SEM1: variants seen among roughly 807,000 people sequenced by gnomAD.
The protein encoded by SEM1 is SEM1 26S proteasome subunit.
A neutral mutation model predicts 12.7 loss-of-function variants in SEM1; 3 were observed. That is an observed-to-expected ratio of 0.24 (90% CI 0.11 to 0.61). The LOEUF (loss-of-function observed/expected upper bound fraction) is 0.61, where lower values mean the gene tolerates loss of function less well. Ranked by LOEUF, SEM1 falls within the 20% of genes least tolerant of loss-of-function variation. The pLI, the probability that SEM1 is intolerant of heterozygous loss-of-function variation, is 0.88. For missense variants in SEM1, 59 were observed against 81.3 expected, an observed-to-expected ratio of 0.73 and a Z score of 1.06; for synonymous variants, 30 against 27.8, an observed-to-expected ratio of 1.08 and a Z score of -0.25.
chr7:96,514,043 T>C (rs971276798), intron 2 of SEM1, among the ~76,000 whole-genome samples: 2 of 152,106 alleles, frequency 1.3e-5, no homozygotes, highest in African/African-American at 4.8e-5. Flanking sequence ...AGATGATTCA[T>C]GATATACATT....
intron 2 of SEM1, among the ~76,000 whole-genome samples, chr7:96,552,059 GCCA>G (rs922943018): frequency 6.6e-6 from 1 of 152,158 alleles, no homozygotes; most frequent in Non-Finnish European, 1.5e-5. Flanking sequence ...ATGGTCCAGT[GCCA>G]GCACTCTGTC....
exon 4 of SEM1, chr7:96,483,512 T>A: frequency 3.8e-6 from 1 of 261,936 alleles, no homozygotes; most frequent in Admixed American, 4.9e-5. Flanking sequence ...AACAAAAGCA[T>A]TTTCTCACTC....
At chr7:96,564,586 A>G (rs943944730) in intron 2 of SEM1, among the ~76,000 whole-genome samples, 35 of 152,056 alleles carry the variant, frequency 2.3e-4, no homozygotes, top group African/African-American at 7.9e-4. Context: ...AGTGAATGTG[A>G]TGGCTGGGGC....
intron 2 of SEM1, among the ~76,000 whole-genome samples, chr7:96,532,377 T>C (rs1419150934): frequency 6.6e-6 from 1 of 152,118 alleles, no homozygotes; most frequent in East Asian, 1.9e-4. Context: ...GTAATAAGCA[T>C]TCAGTGTTGT....
chr7:96,569,889 G>A (rs11769840), intron 2 of SEM1, among the ~76,000 whole-genome samples: 145,849 of 152,152 alleles, frequency 0.96, 70,109 homozygotes, highest in Non-Finnish European at 0.99. Flanking sequence ...GCTCGGTAGT[G>A]TTTCATGGTA....
downstream of SEM1, among the ~76,000 whole-genome samples, chr7:96,685,056 T>A (rs1789721956): frequency 6.6e-6 from 1 of 152,058 alleles, no homozygotes; most frequent in Non-Finnish European, 1.5e-5. Context: ...GTGGGTGGGA[T>A]GTGTTACCTC....
At chr7:96,691,366 TATA>T (rs949936583) in intron 2 of SEM1, among the ~76,000 whole-genome samples, 28 of 152,192 alleles carry the variant, frequency 1.8e-4, no homozygotes, top group African/African-American at 6.8e-4. Flanking sequence ...ACTTAAACGT[TATA>T]ATAACTCTAG....
At chr7:96,490,289 A>G (rs1469886124) in intron 1 of SEM1, among the ~76,000 whole-genome samples, 2 of 152,224 alleles carry the variant, frequency 1.3e-5, no homozygotes, top group Non-Finnish European at 2.9e-5. Flanking sequence ...ACTCTAAATT[A>G]AAGACCTTTC....
intron 2 of SEM1, among the ~76,000 whole-genome samples, chr7:96,602,504 A>G (rs549557973): frequency 1.1e-4 from 17 of 152,284 alleles, no homozygotes; most frequent in African/African-American, 4.1e-4. Context: ...TTACTCATTC[A>G]TATCACCTGC....
Position 96,615,643 on chromosome 7 carries a change from T to C in SEM1, c.170+79155A>G, listed in dbSNP as rs900247959. 4.6e-5 allele frequency among the ~76,000 whole-genome samples: 7 copies of C among 152,230 alleles called. No individual in the cohort carries two copies. In the East Asian group the frequency reaches 9.6e-4, roughly 21 times the overall value. ...GAGGTGCAAGTGCAGATATCTTAAATGTGTATATTGCGTAGTAGAGAAGCC... is the reference window on the plus strand; with the variant it reads ...GAGGTGCAAGTGCAGATATCTTAAACGTGTATATTGCGTAGTAGAGAAGCC... On this transcript the variant is annotated intron_variant and NMD_transcript_variant, in intron 2 of 3. Coordinates refer to the SEM1 transcript ENST00000466986.
chr7:96,487,506 C>G (rs80140989), intron 1 of SEM1, among the ~76,000 whole-genome samples: 4 of 149,876 alleles, frequency 2.7e-5, no homozygotes, highest in African/African-American at 1.0e-4. Context: ...GTGGCTGACT[C>G]GCCTCACTCT....
In SEM1 at chr7:96,566,718, A is replaced by G. The variant is rs926352730; in HGVS notation, c.171-60020T>C. On this transcript the variant is annotated intron_variant and NMD_transcript_variant, in intron 2 of 3. Coordinates refer to the SEM1 transcript ENST00000466986. ...TGCTTAGAAAGGCTTCTCTCATTAC[A>G]AGATTAATTTTTAAATTCTCACATA... 2.3e-4 allele frequency among the ~76,000 whole-genome samples: 35 copies of G among 151,608 alleles called. 1 individual carries two copies.
upstream of SEM1, among the ~76,000 whole-genome samples, chr7:96,498,399 G>A (rs1163791882): frequency 1.3e-5 from 2 of 152,082 alleles, no homozygotes; most frequent in East Asian, 1.9e-4. Context: ...GCACACACAC[G>A]CATGTGTGCA....
At chr7:96,490,119 A>G (rs1319579078) in intron 1 of SEM1, among the ~76,000 whole-genome samples, 1 of 152,138 alleles carries the variant, frequency 6.6e-6, no homozygotes, top group African/African-American at 2.4e-5. Context: ...ATGGGATGAA[A>G]AAAAATTTCT....
At chr7:96,567,142 G>C (rs992764290) in intron 2 of SEM1, among the ~76,000 whole-genome samples, 1 of 151,534 alleles carries the variant, frequency 6.6e-6, no homozygotes, top group African/African-American at 2.4e-5. Flanking sequence ...TAAAATTAAT[G>C]TATAGGTAAA....
intron 2 of SEM1, among the ~76,000 whole-genome samples, chr7:96,614,646 A>G (rs774358889): frequency 2.0e-5 from 3 of 152,220 alleles, no homozygotes; most frequent in Non-Finnish European, 4.4e-5. Flanking sequence ...GTGTAACATA[A>G]TGAGTCCAGT....
At chr7:96,546,898 T>C (rs1805118489) in intron 2 of SEM1, among the ~76,000 whole-genome samples, 2 of 152,254 alleles carry the variant, frequency 1.3e-5, no homozygotes, top group Middle Eastern at 3.4e-3. Flanking sequence ...AAGGAGTTTG[T>C]CATCACTGGT....
chr7:96,521,425 G>A lies in SEM1; in HGVS notation c.171-14727C>T, dbSNP rs374701264. Among the ~76,000 whole-genome samples, 207 of 152,242 alleles carry A rather than the reference G, an allele frequency of 1.4e-3. 1 individual carries two copies. The highest frequency in any genetic ancestry group is 3.7e-3 in the African/African-American group (155 of 41,562). ...TACCCATTCTGGGTGTGGGACAAGC[G>A]TCTGGTTAGTTTCTCCATTTGAGAG... On this transcript the variant is annotated intron_variant and NMD_transcript_variant, in intron 2 of 3. Coordinates refer to the SEM1 transcript ENST00000466986.
chr7:96,594,048 T>C (rs1159419229), intron 2 of SEM1, among the ~76,000 whole-genome samples: 1 of 152,196 alleles, frequency 6.6e-6, no homozygotes, highest in Non-Finnish European at 1.5e-5. Flanking sequence ...AGATGTTGCA[T>C]GCGTCCATTA....
Sources: allele counts gnomAD v4.1 joint callset (sites outside exome capture counted in the v4.1 genomes callset), GRCh38; gene constraint gnomAD v4.1.1; transcripts MANE v1.5; gene names NCBI Gene and HGNC (gene_info 2026-07-23, HGNC 2026-07-21).